Variants in DARS1 observed in about 807,000 individuals in gnomAD.
DARS1 encodes the protein aspartyl-tRNA synthetase 1.
A neutral mutation model predicts 68.8 loss-of-function variants in DARS1; 51 were observed. That is an observed-to-expected ratio of 0.74 (90% CI 0.59 to 0.94). The LOEUF (loss-of-function observed/expected upper bound fraction) is 0.94, where lower values mean the gene tolerates loss of function less well. Among genes scored for constraint, DARS1 ranks in the 40% least tolerant of loss-of-function variants. The pLI is 0.00. For synonymous variants in DARS1, 203 were observed against 190.4 expected (o/e 1.07, Z -0.55); for missense variants, 607 against 597.3 (o/e 1.02, Z -0.17).
chr2:135,913,789 T>C (rs1258306395), intron 12 of DARS1, among the ~76,000 whole-genome samples: 1 of 152,098 alleles, frequency 6.6e-6, no homozygotes, highest in Admixed American at 6.6e-5. Context: ...TCCAACAGTT[T>C]TTGACTTTCA....
chr2:135,959,148 T>C (rs1253795854), intron 4 of DARS1, among the ~76,000 whole-genome samples: 3 of 151,880 alleles, frequency 2.0e-5, no homozygotes, highest in Admixed American at 6.6e-5. Flanking sequence ...TCCCAGCACT[T>C]TGAACAGCTG....
chr2:135,932,691 C>A, intron 7 of DARS1, 92 bp downstream of exon 7: 1 of 735,342 alleles, frequency 1.4e-6, no homozygotes, highest in South Asian at 1.7e-5. Flanking sequence ...AGGCAAATAC[C>A]ATTTAGCTTT....
At chr2:135,907,490 G>T in intron 15 of DARS1, 83 bp from the exon 16 acceptor site, 2 of 863,894 alleles carry the variant, frequency 2.3e-6, no homozygotes, top group Non-Finnish European at 3.6e-6. Context: ...AAATGTAATC[G>T]TTAAACTAAA....
chr2:135,936,039 A>G (rs1039543155), intron 5 of DARS1, among the ~76,000 whole-genome samples: 1 of 152,200 alleles, frequency 6.6e-6, no homozygotes, highest in African/African-American at 2.4e-5. Flanking sequence ...TGCTACTTCT[A>G]CTTTTATAAC....
chr2:135,910,866 T>C (rs1300465294), intron 15 of DARS1: 1 of 315,626 alleles, frequency 3.2e-6, no homozygotes, highest in African/African-American at 2.2e-5. Context: ...GGTAGAGCTT[T>C]AATTTGTGCT....
At chr2:135,969,247 T>C (rs1682310814) in intron 3 of DARS1, among the ~76,000 whole-genome samples, 1 of 151,906 alleles carries the variant, frequency 6.6e-6, no homozygotes, top group African/African-American at 2.4e-5. Flanking sequence ...AGTTGAAAAA[T>C]AATATGTAAA....
At chr2:135,959,391 CAAAAAAAAAAAAAAAAAAAAAAAA>C (rs66527494) in intron 4 of DARS1, among the ~76,000 whole-genome samples, 20 of 15,032 alleles carry the variant, frequency 1.3e-3, no homozygotes, top group South Asian at 3.1e-3. Context: ...AACTCCGTCT[CAAAAAAAAAAAAAAAAAAAAAAAA>C]AAAAAAAAAA....
chr2:135,931,783 T>C (rs1201384100), intron 7 of DARS1, among the ~76,000 whole-genome samples: 3 of 152,104 alleles, frequency 2.0e-5, no homozygotes, highest in Non-Finnish European at 4.4e-5. Flanking sequence ...CTCCTCTTTT[T>C]AAGAAGTGCC....
At chr2:135,978,641 C>A (rs2104848712) in intron 3 of DARS1, among the ~76,000 whole-genome samples, 1 of 152,296 alleles carries the variant, frequency 6.6e-6, no homozygotes, top group Non-Finnish European at 1.5e-5. Context: ...CCTAACGTTT[C>A]TTCTCTGTTG....
intron 13 of DARS1, 85 bp downstream of exon 13, chr2:135,912,401 C>T (rs1680915310): frequency 1.2e-5 from 7 of 603,644 alleles, no homozygotes; most frequent in Non-Finnish European, 2.1e-5. Context: ...TTAATGAAAA[C>T]CATTATTCCT....
chr2:135,918,557 T>C (rs987875823), intron 10 of DARS1, among the ~76,000 whole-genome samples: 1 of 152,202 alleles, frequency 6.6e-6, no homozygotes, highest in Non-Finnish European at 1.5e-5. Context: ...ATTTTCAAAT[T>C]GCCACCTTAA....
chr2:135,914,454 T>A lies in DARS1; in HGVS notation c.1149+15A>T. On this transcript the variant is annotated intron_variant, in intron 12 of 15. Coordinates refer to ENST00000264161, the MANE Select transcript of DARS1 (RefSeq NM_001349.4). ...CAGAATTAGAAAAAGAAATCCAGCA[T>A]ATAAAGAGTCCTACCTTTTCCTTTA... 4 of 1,209,652 alleles carry A rather than the reference T, an allele frequency of 3.3e-6. No homozygotes were observed. Among genetic ancestry groups the A allele is most frequent in the Non-Finnish European group, 4.9e-6 (4 of 810,644 alleles). 74.9% of individuals were successfully genotyped at this position (1,209,652 alleles called of 1,614,324 possible). A position where few individuals can be genotyped will look rare whatever the true frequency, so the allele number is the denominator to read the frequency against.
intron 10 of DARS1, among the ~76,000 whole-genome samples, chr2:135,919,670 A>G (rs1262565636): frequency 6.6e-6 from 1 of 152,222 alleles, no homozygotes; most frequent in East Asian, 1.9e-4. Flanking sequence ...AATGACCTGT[A>G]AAGGGAAGAG....
At chr2:135,922,362 A>C (rs946142367) in intron 9 of DARS1, among the ~76,000 whole-genome samples, 1 of 152,202 alleles carries the variant, frequency 6.6e-6, no homozygotes, top group Admixed American at 6.5e-5. Flanking sequence ...TAGGGAGCTG[A>C]AAAGAGTCCA....
chr2:135,959,576 T>C (rs1157643555), intron 4 of DARS1, among the ~76,000 whole-genome samples: 1 of 152,172 alleles, frequency 6.6e-6, no homozygotes, highest in Non-Finnish European at 1.5e-5. Flanking sequence ...TATTAAGCTA[T>C]GGTTGACATC....
chr2:135,959,490 G>T (rs937779050), intron 4 of DARS1, among the ~76,000 whole-genome samples: 3 of 124,782 alleles, frequency 2.4e-5, no homozygotes, highest in African/African-American at 9.1e-5. Flanking sequence ...ATGATAAAAA[G>T]ATGTTCTTTA....
At chr2:135,922,462 C>T (rs1414385995) in intron 9 of DARS1, among the ~76,000 whole-genome samples, 1 of 152,028 alleles carries the variant, frequency 6.6e-6, no homozygotes, top group Non-Finnish European at 1.5e-5. Context: ...TCAAGAAACG[C>T]ATTTTTAAAA....
In DARS1 at chr2:135,957,676, G is replaced by A. The variant is rs76793136; in HGVS notation, c.320+3720C>T. Among the ~76,000 whole-genome samples, 719 of 152,182 alleles carry A rather than the reference G, an allele frequency of 4.7e-3. 5 individuals are homozygous for A. Among genetic ancestry groups the A allele is most frequent in the African/African-American group, 0.016 (656 of 41,530 alleles). ...CATGCCCAGCTGATCCAAAATAAGC[G>A]TGGTGAGAAGTATGCACTACTCAAC... On this transcript the variant is annotated intron_variant, in intron 4 of 15. Transcript: ENST00000264161.
At chr2:135,970,150 G>A (rs151140864) in intron 3 of DARS1, among the ~76,000 whole-genome samples, 300 of 151,336 alleles carry the variant, frequency 2.0e-3, no homozygotes, top group Admixed American at 4.0e-3. Flanking sequence ...GGTGAGGCAG[G>A]AGGATTGTAT....
Sources: gnomAD v4.1 joint callset for allele counts (sites outside exome capture counted in the v4.1 genomes callset) on GRCh38, gnomAD v4.1.1 for gene constraint, MANE v1.5 for transcripts, NCBI Gene and HGNC (gene_info 2026-07-23, HGNC 2026-07-21) for gene names.